CD200: variants seen among roughly 807,000 people sequenced by gnomAD.
The protein encoded by CD200 is CD200 molecule.
A neutral mutation model predicts 30.9 loss-of-function variants in CD200; 15 were observed. The observed-to-expected ratio is 0.49, with a 90% CI of 0.32 to 0.75. The LOEUF (loss-of-function observed/expected upper bound fraction) is 0.75. Ranked by LOEUF, CD200 falls within the 30% of genes least tolerant of loss-of-function variation. CD200 has a pLI of 0.03. For synonymous variants in CD200, 134 were observed against 126.2 expected (o/e 1.06, Z -0.41); for missense variants, 262 against 324.2 (o/e 0.81, Z 1.47).
upstream of CD200, chr3:112,332,889 C>G (rs2081027377): frequency 5.5e-6 from 2 of 364,252 alleles, no homozygotes; most frequent in Non-Finnish European, 1.0e-5. Context: ...TTTCCTTTCT[C>G]AGTCCAGGTA....
At chr3:112,333,283 C>T in intron 1 of CD200, 59 bp downstream of exon 1, 3 of 1,524,104 alleles carry the variant, frequency 2.0e-6, no homozygotes, top group Non-Finnish European at 1.8e-6. Context: ...GAGCCGGTGG[C>T]CCTGGGGCGG....
chr3:112,350,084 A>C, intron 5 of CD200: 1 of 576,228 alleles, frequency 1.7e-6, no homozygotes, highest in Non-Finnish European at 2.2e-6. Context: ...GAACCAAAGA[A>C]AGAAGTCTGG....
At chr3:112,358,622 T>A (rs1022983837) in intron 5 of CD200, among the ~76,000 whole-genome samples, 1 of 152,152 alleles carries the variant, frequency 6.6e-6, no homozygotes, top group Non-Finnish European at 1.5e-5. Context: ...AGGATGTGTA[T>A]AAATGGATTT....
chr3:112,353,613 CA>C (rs147644803), intron 5 of CD200, among the ~76,000 whole-genome samples: 1,811 of 152,168 alleles, frequency 0.012, 31 homozygotes, highest in African/African-American at 0.041. Flanking sequence ...TTAATACAAA[CA>C]ACAAAGGTGT....
intron 5 of CD200, among the ~76,000 whole-genome samples, chr3:112,357,657 T>G (rs2081653031): frequency 6.6e-6 from 1 of 152,174 alleles, no homozygotes. Context: ...GATTTCAGGT[T>G]ATCTGAATCT....
At chr3:112,348,759 G>A (rs538715238) in intron 4 of CD200, among the ~76,000 whole-genome samples, 24 of 152,200 alleles carry the variant, frequency 1.6e-4, no homozygotes, top group African/African-American at 5.5e-4. Context: ...TGGATATTTA[G>A]GTAAATTTGG....
Position 112,340,365 on chromosome 3 carries a change from C to T in CD200, c.13-537C>T, listed in dbSNP as rs182249253. Among the ~76,000 whole-genome samples the T allele has an allele frequency of 1.3e-3, 196 of 152,076 alleles. 1 individual carries two copies. Among genetic ancestry groups the T allele is most frequent in the East Asian group, 9.7e-4 (5 of 5,174 alleles). ...GCCCAGACACATGAAAATAAGGCAG[C>T]GAAGGAAAAAATTAAAGCCAGTACT... On this transcript the variant is annotated intron_variant, in intron 1 of 5. Coordinates refer to ENST00000315711, the MANE Select transcript of CD200 (RefSeq NM_005944.7).
At position 112,340,922 on chromosome 3, in the gene CD200, T is replaced by C. The variant is rs61751877; in HGVS notation, c.33T>C (p.Ser11=). 1.1e-5 allele frequency: 17 copies of C among 1,609,944 alleles called. 2 individuals carry two copies. The South Asian group carries it at 1.8e-4, about 17-fold the overall frequency. The change falls in exon 2 of 6, where the codon TCT becomes TCC. Residue 11 remains serine, a synonymous_variant. Coordinates refer to ENST00000315711, the MANE Select transcript of CD200 (RefSeq NM_005944.7). Reference sequence around the variant, plus strand: ...TTCAGGTGATCAGGATGCCCTTCTCTCATCTGTCTACCTACAGCCTGGTTT... The same window carrying C: ...TTCAGGTGATCAGGATGCCCTTCTCCCATCTGTCTACCTACAGCCTGGTTT... MERLVIRMPF[S]HLSTYSLVWV...
intron 2 of CD200, among the ~76,000 whole-genome samples, chr3:112,342,321 CT>C (rs1252864495): frequency 0.083 from 1,856 of 22,440 alleles, 281 homozygotes; most frequent in Middle Eastern, 0.14. Context: ...TTCTTTCTTT[CT>C]TTCTTTCTTT....
At position 112,333,167 on chromosome 3, in the gene CD200, C is replaced by T; in HGVS notation, c.-46C>T. 1.3e-6 allele frequency: 2 copies of T among 1,548,296 alleles called. No homozygotes were observed. Among genetic ancestry groups the T allele is most frequent in the Non-Finnish European group, 1.7e-6 (2 of 1,146,600 alleles). On this transcript the variant is annotated 5_prime_UTR_variant, in exon 1 of 6. Transcript: ENST00000315711. ...CCCGCCTGCCTAGCAGAGCTCCAGG[C>T]GCACATCCGCAGTCAGCCACCTCGC... is the stretch of plus-strand genomic sequence containing the variant.
upstream of CD200, chr3:112,332,599 AAGAAGAAGG>A (rs1241472708): frequency 1.0e-5 from 2 of 199,314 alleles, no homozygotes; most frequent in East Asian, 1.6e-4. Flanking sequence ...TCTCAAGAAG[AAGAAGAAGG>A]AGAAGAAGGA....
At chr3:112,338,402 T>A (rs1039474247) in intron 1 of CD200, among the ~76,000 whole-genome samples, 4 of 152,220 alleles carry the variant, frequency 2.6e-5, no homozygotes, top group African/African-American at 2.4e-5. Context: ...ATGTTTTTTT[T>A]ATTCAACTGA....
chr3:112,334,213 C>T (rs2081062300), intron 1 of CD200: 2 of 985,304 alleles, frequency 2.0e-6, no homozygotes, highest in Non-Finnish European at 2.4e-6. Flanking sequence ...CTTGTGACTA[C>T]ATGTGGGGTA....
chr3:112,344,900 T>C, intron 2 of CD200, 62 bp from the exon 3 acceptor site: 1 of 1,220,824 alleles, frequency 8.2e-7, no homozygotes, highest in Non-Finnish European at 1.2e-6. Flanking sequence ...TTATTTATAA[T>C]CAGGAAAAAG....
intron 5 of CD200, 141 bp from the exon 6 acceptor site, chr3:112,361,397 AAATGT>A (rs2081739397): frequency 2.8e-6 from 2 of 720,382 alleles, no homozygotes; most frequent in Non-Finnish European, 4.9e-6. Flanking sequence ...ACTGGGTCAG[AAATGT>A]CTACTTCTTT....
intron 1 of CD200, among the ~76,000 whole-genome samples, chr3:112,340,084 AC>A (rs1206707229): frequency 3.3e-5 from 5 of 152,252 alleles, no homozygotes; most frequent in African/African-American, 1.2e-4. Flanking sequence ...TCAGTTAAAA[AC>A]AGATAAAAGT....
In CD200 at chr3:112,361,756, G is replaced by T; in HGVS notation, c.*206G>T. On this transcript the variant is annotated 3_prime_UTR_variant, in exon 6 of 6. Transcript: ENST00000315711. ...AAGAGGAAGTCAGTTTACCTCTCAG[G>T]TCTGTTGTAGGACTTGATTTTGTAA... 1 of 629,254 alleles carries T rather than the reference G, an allele frequency of 1.6e-6. No homozygotes were observed. The highest frequency in any genetic ancestry group is 2.9e-6 in the Non-Finnish European group (1 of 347,694). 39.0% of individuals were successfully genotyped at this position (629,254 alleles called of 1,614,324 possible).
In CD200 at chr3:112,354,828, CCT is replaced by C. The variant is rs750343171; in HGVS notation, c.802+5018_802+5019del. Among the ~76,000 whole-genome samples, 20 of 151,996 alleles carry C rather than the reference CCT, an allele frequency of 1.3e-4. 1 individual carries two copies. Among genetic ancestry groups the C allele is most frequent in the Non-Finnish European group, 2.5e-4 (17 of 67,942 alleles). The stretch of plus-strand genomic sequence containing the variant: ...GCTCTAGGGGAGAATCCTTTTTTTC[CCT>C]CTCTCTCTTTTCCTGCTTTTAGAGA... On this transcript the variant is annotated intron_variant, in intron 5 of 5. Coordinates refer to ENST00000315711, the MANE Select transcript of CD200 (RefSeq NM_005944.7).
intron 5 of CD200, chr3:112,350,062 A>G: frequency 1.3e-6 from 1 of 755,500 alleles, no homozygotes; most frequent in South Asian, 6.0e-5. Flanking sequence ...ATGAAATCAA[A>G]CAATGGTGAT....
Sources: allele counts gnomAD v4.1 joint callset (sites outside exome capture counted in the v4.1 genomes callset), GRCh38; gene constraint gnomAD v4.1.1; transcripts MANE v1.5; gene names NCBI Gene and HGNC (gene_info 2026-07-23, HGNC 2026-07-21).